NOVA1: variants seen among roughly 807,000 people sequenced by gnomAD.
The protein encoded by NOVA1 is RNA-binding protein Nova-1.
In NOVA1, 7 loss-of-function variants were observed where a neutral mutation model predicts 38.0. The observed-to-expected ratio is 0.18, with a 90% confidence interval of 0.10 to 0.35. The LOEUF (loss-of-function observed/expected upper bound fraction) is 0.35, where lower values mean the gene tolerates loss of function less well. NOVA1 is among the 10% of genes least tolerant of loss of function. NOVA1 has a pLI of 1.00. For synonymous variants in NOVA1, 270 were observed against 232.5 expected (o/e 1.16, Z -1.47); for missense variants, 460 against 616.0 (o/e 0.75, Z 2.68).
chr14:26,502,852 T>C (rs575065994), intron 2 of NOVA1, among the ~76,000 whole-genome samples: 1 of 152,230 alleles, frequency 6.6e-6, no homozygotes, highest in South Asian at 2.1e-4. Context: ...TTTCATGTTT[T>C]TTGCTACAGT....
At chr14:26,502,056 AAAC>A (rs1471952411) in intron 2 of NOVA1, among the ~76,000 whole-genome samples, 2 of 151,594 alleles carry the variant, frequency 1.3e-5, no homozygotes, top group East Asian at 3.8e-4. Context: ...AGAATCAACT[AAAC>A]AAATCCATTT....
chr14:26,576,498 A>G (rs1892852444), intron 2 of NOVA1, among the ~76,000 whole-genome samples: 1 of 151,828 alleles, frequency 6.6e-6, no homozygotes, highest in South Asian at 2.1e-4. Flanking sequence ...ATTTTTAAGT[A>G]TATAATTTCC....
intron 4 of NOVA1, among the ~76,000 whole-genome samples, chr14:26,465,014 G>A (rs905695081): frequency 7.2e-5 from 11 of 151,918 alleles, no homozygotes; most frequent in Non-Finnish European, 1.0e-4. Context: ...CTAGTGATAA[G>A]CAAAACACAT....
intron 2 of NOVA1, among the ~76,000 whole-genome samples, chr14:26,497,940 T>C (rs376557854): frequency 6.6e-6 from 1 of 152,200 alleles, no homozygotes; most frequent in Non-Finnish European, 1.5e-5. Flanking sequence ...CTTTATCAAT[T>C]AAATTATCAG....
At chr14:26,483,047 T>A (rs1279629967) in intron 2 of NOVA1, among the ~76,000 whole-genome samples, 1 of 152,090 alleles carries the variant, frequency 6.6e-6, no homozygotes, top group Non-Finnish European at 1.5e-5. Context: ...TCACAAAAAG[T>A]ATAATAAGAA....
chr14:26,447,808 A>T lies in NOVA1; in HGVS notation c.*151T>A. ...TGAAACATCTGGTAAAACACATATTATTTACATATACACATTGTCAACATA... is the reference window on the plus strand; with the variant it reads ...TGAAACATCTGGTAAAACACATATTTTTTACATATACACATTGTCAACATA... On this transcript the variant is annotated 3_prime_UTR_variant, in exon 5 of 5. Coordinates refer to ENST00000539517, the MANE Select transcript of NOVA1 (RefSeq NM_002515.3). 2 of 639,786 alleles carry T rather than the reference A, an allele frequency of 3.1e-6. No homozygotes were observed. The highest frequency in any genetic ancestry group is 5.5e-6 in the Non-Finnish European group (2 of 364,216). 39.6% of individuals were successfully genotyped at this position (639,786 alleles called of 1,614,324 possible). A position where few individuals can be genotyped will look rare whatever the true frequency, so the allele number is the denominator to read the frequency against.
chr14:26,540,499 T>C (rs1162273182), intron 2 of NOVA1, among the ~76,000 whole-genome samples: 1 of 152,198 alleles, frequency 6.6e-6, no homozygotes, highest in African/African-American at 2.4e-5. Context: ...CATGTAACCA[T>C]ATTTTTAAAA....
At chr14:26,522,900 T>C (rs1888999472) in intron 2 of NOVA1, among the ~76,000 whole-genome samples, 1 of 152,200 alleles carries the variant, frequency 6.6e-6, no homozygotes, top group Non-Finnish European at 1.5e-5. Flanking sequence ...ATGCTCCTAA[T>C]ATCACAAATA....
intron 2 of NOVA1, among the ~76,000 whole-genome samples, chr14:26,556,005 A>G (rs560637128): frequency 6.6e-6 from 1 of 152,274 alleles, no homozygotes; most frequent in East Asian, 1.9e-4. Context: ...AAGAAATCAA[A>G]GACAATCTAA....
chr14:26,544,578 A>T (rs1890671341), intron 2 of NOVA1, among the ~76,000 whole-genome samples: 1 of 152,088 alleles, frequency 6.6e-6, no homozygotes, highest in South Asian at 2.1e-4. Context: ...TGTAGAAAAG[A>T]CATTTTATAT....
At chr14:26,449,282 T>G (rs891405007) in intron 4 of NOVA1, among the ~76,000 whole-genome samples, 1 of 152,112 alleles carries the variant, frequency 6.6e-6, no homozygotes, top group Non-Finnish European at 1.5e-5. Context: ...ACACCAAAGG[T>G]AACATTTTTA....
intron 2 of NOVA1, among the ~76,000 whole-genome samples, chr14:26,589,252 G>A (rs921951065): frequency 6.6e-6 from 1 of 151,534 alleles, no homozygotes; most frequent in Non-Finnish European, 1.5e-5. Context: ...TTAATGAACA[G>A]GACTGTGATA....
At chr14:26,544,591 G>A (rs1890673009) in intron 2 of NOVA1, among the ~76,000 whole-genome samples, 1 of 151,908 alleles carries the variant, frequency 6.6e-6, no homozygotes, top group African/African-American at 2.4e-5. Flanking sequence ...TTTTATATTG[G>A]AGGAGAATTT....
At chr14:26,508,794 T>C (rs1321454502) in intron 2 of NOVA1, among the ~76,000 whole-genome samples, 2 of 151,854 alleles carry the variant, frequency 1.3e-5, no homozygotes, top group Non-Finnish European at 2.9e-5. Context: ...AATAAATAAA[T>C]GGAGTAACAT....
chr14:26,490,842 G>GTTTTTT (rs71121880), intron 2 of NOVA1, among the ~76,000 whole-genome samples: 13 of 70,808 alleles, frequency 1.8e-4, no homozygotes, highest in Non-Finnish European at 2.1e-4. Context: ...CATCTGGCTA[G>GTTTTTT]TTTTTTTTTT....
At chr14:26,516,871 T>C (rs1282519874) in intron 2 of NOVA1, among the ~76,000 whole-genome samples, 2 of 151,916 alleles carry the variant, frequency 1.3e-5, no homozygotes, top group Non-Finnish European at 2.9e-5. Flanking sequence ...ATGGCCTTCA[T>C]GTTCTGGCCA....
chr14:26,557,081 C>T (rs1050197528), intron 2 of NOVA1, among the ~76,000 whole-genome samples: 1 of 152,132 alleles, frequency 6.6e-6, no homozygotes, highest in Admixed American at 6.5e-5. Flanking sequence ...CACATTTCTC[C>T]TCTTATAAGG....
intron 4 of NOVA1, chr14:26,470,155 T>C (rs1434428220): frequency 5.2e-6 from 4 of 772,546 alleles, no homozygotes; most frequent in Non-Finnish European, 6.6e-6. Flanking sequence ...TTTCTGAATA[T>C]TGACAGTCCA....
In NOVA1 at chr14:26,589,094, T is replaced by C. The variant is rs535293499; in HGVS notation, c.280+6316A>G. On this transcript the variant is annotated intron_variant, in intron 2 of 4. Coordinates refer to ENST00000539517, the MANE Select transcript of NOVA1 (RefSeq NM_002515.3). Reference sequence around the variant, plus strand: ...ATACCAAAAAATTCAGATTAGTAAATTTAATAGAAAATTCAAAGCTATAAA... The same window carrying C: ...ATACCAAAAAATTCAGATTAGTAAACTTAATAGAAAATTCAAAGCTATAAA... 9.2e-5 allele frequency among the ~76,000 whole-genome samples: 14 copies of C among 151,680 alleles called. No individual in the cohort carries two copies. The South Asian group carries it at 2.9e-3, about 31-fold the overall frequency.
Sources: allele counts gnomAD v4.1 joint callset (sites outside exome capture counted in the v4.1 genomes callset), GRCh38; gene constraint gnomAD v4.1.1; transcripts MANE v1.5; gene names NCBI Gene and HGNC (gene_info 2026-07-23, HGNC 2026-07-21).